KCNMB2: variants seen among roughly 807,000 people sequenced by gnomAD.
KCNMB2 encodes calcium-activated potassium channel subunit beta-2.
Under a neutral mutation model 24.5 loss-of-function variants are expected in KCNMB2, and 9 were observed. The observed-to-expected ratio is 0.37, with a 90% CI of 0.22 to 0.64. The LOEUF is 0.64. Among genes scored for constraint, KCNMB2 ranks in the 30% least tolerant of loss-of-function variants. KCNMB2 has a pLI of 0.63. For synonymous variants in KCNMB2, 109 were observed against 104.4 expected, an observed-to-expected ratio of 1.04 and a Z score of -0.27; for missense variants, 226 against 284.3, an observed-to-expected ratio of 0.79 and a Z score of 1.47.
intron 1 of KCNMB2, among the ~76,000 whole-genome samples, chr3:178,678,016 G>A (rs997259472): frequency 6.6e-6 from 1 of 152,198 alleles, no homozygotes; most frequent in Non-Finnish European, 1.5e-5. Context: ...AAGGCTCCCA[G>A]TTCACAACCT....
intron 1 of KCNMB2, among the ~76,000 whole-genome samples, chr3:178,583,405 G>T (rs1198069265): frequency 2.6e-5 from 4 of 152,058 alleles, no homozygotes. Flanking sequence ...CCTAATAATG[G>T]CAAGTTTCCG....
intron 1 of KCNMB2, among the ~76,000 whole-genome samples, chr3:178,567,462 C>G (rs1716567818): frequency 6.6e-6 from 1 of 151,890 alleles, no homozygotes; most frequent in Non-Finnish European, 1.5e-5. Context: ...TCATTATTGC[C>G]TCTGTATGGC....
intron 1 of KCNMB2, among the ~76,000 whole-genome samples, chr3:178,737,458 C>T (rs569187131): frequency 4.6e-5 from 7 of 152,226 alleles, no homozygotes; most frequent in East Asian, 1.9e-4. Flanking sequence ...GTCCTTATTA[C>T]GTTCTAGGAA....
At chr3:178,741,470 C>T (rs996777849) in intron 1 of KCNMB2, among the ~76,000 whole-genome samples, 1 of 152,194 alleles carries the variant, frequency 6.6e-6, no homozygotes, top group Non-Finnish European at 1.5e-5. Flanking sequence ...ACCTCCATCA[C>T]ATTTATCCCT....
chr3:178,817,735 G>T (rs1184708443), intron 2 of KCNMB2, among the ~76,000 whole-genome samples: 6 of 152,140 alleles, frequency 3.9e-5, no homozygotes, highest in Admixed American at 3.9e-4. Flanking sequence ...ACACTGATGG[G>T]AAGATAGAAA....
chr3:178,681,992 T>A (rs972345458), intron 1 of KCNMB2, among the ~76,000 whole-genome samples: 1 of 152,194 alleles, frequency 6.6e-6, no homozygotes, highest in African/African-American at 2.4e-5. Flanking sequence ...TTTAAATATC[T>A]TCTTTCTTAA....
chr3:178,835,658 T>G lies in KCNMB2; in HGVS notation c.424-6995T>G, dbSNP rs1715199422. ...AACACTAGAAAAAGTTCCATTGACT[T>G]TGGAACTAATAATATTTATGTTTCA... On this transcript the variant is annotated intron_variant, in intron 4 of 4. Coordinates refer to ENST00000452583, the MANE Select transcript of KCNMB2 (RefSeq NM_181361.3). 2.6e-5 allele frequency among the ~76,000 whole-genome samples: 4 copies of G among 151,930 alleles called. No individual in the cohort carries two copies. The South Asian group carries it at 8.3e-4, about 31-fold the overall frequency.
intron 1 of KCNMB2, among the ~76,000 whole-genome samples, chr3:178,750,370 G>A (rs1415345857): frequency 4.0e-5 from 6 of 151,624 alleles, no homozygotes; most frequent in Admixed American, 3.9e-4. Flanking sequence ...TTTACTCTGC[G>A]ACAGCCTTCT....
At chr3:178,703,111 A>T (rs1722158328) in intron 1 of KCNMB2, among the ~76,000 whole-genome samples, 1 of 152,216 alleles carries the variant, frequency 6.6e-6, no homozygotes, top group Admixed American at 6.5e-5. Context: ...AAAAAGGGAA[A>T]GAGAATCAGT....
chr3:178,574,965 G>A (rs559886200), intron 1 of KCNMB2, among the ~76,000 whole-genome samples: 1 of 152,114 alleles, frequency 6.6e-6, no homozygotes, highest in Non-Finnish European at 1.5e-5. Context: ...CTACTCGGGA[G>A]GCTAAGGCAG....
At position 178,536,731 on chromosome 3, in the gene KCNMB2, C is replaced by T. The variant is rs1346517680; in HGVS notation, c.-68+20C>T. 2 of 152,332 alleles carry T rather than the reference C, an allele frequency of 1.3e-5. No homozygotes were observed. Among genetic ancestry groups the T allele is most frequent in the African/African-American group, 2.4e-5 (1 of 41,440 alleles). The allele number at this position is 152,332 out of a possible 1,614,324, so 9.4% of individuals were successfully genotyped here. A position where few individuals can be genotyped will look rare whatever the true frequency, so the allele number is the denominator to read the frequency against. On this transcript the variant is annotated intron_variant, in intron 1 of 4. Transcript: ENST00000452583. The stretch of plus-strand genomic sequence containing the variant: ...CCGGAGGTAGGATTTGCATGTAAAA[C>T]AAAGGAATCTGTTGCTGTTTCATGC...
In KCNMB2 at chr3:178,777,966, C is replaced by T. The variant is rs138518210; in HGVS notation, c.-67-29377C>T. Among the ~76,000 whole-genome samples the T allele has an allele frequency of 1.8e-4, 28 of 152,262 alleles. No individual in the cohort carries two copies. In the Middle Eastern group the frequency reaches 0.01, roughly 55 times the overall value. On this transcript the variant is annotated intron_variant, in intron 1 of 4. Coordinates refer to ENST00000452583, the MANE Select transcript of KCNMB2 (RefSeq NM_181361.3). ...TTATTTCCCCAGCTCCATGATTCAT[C>T]GTGGACAGCTCTAGACAAATGCTCT...
At chr3:178,667,463 C>T (rs1392390623) in intron 1 of KCNMB2, among the ~76,000 whole-genome samples, 1 of 152,084 alleles carries the variant, frequency 6.6e-6, no homozygotes, top group East Asian at 1.9e-4. Flanking sequence ...CCAAGAAGGC[C>T]CTCCCAAGAC....
chr3:178,754,307 C>T lies in KCNMB2; in HGVS notation c.-67-53036C>T, dbSNP rs888394592. Among the ~76,000 whole-genome samples, 42 of 151,668 alleles carry T rather than the reference C, an allele frequency of 2.8e-4. 1 individual carries two copies. Among genetic ancestry groups the T allele is most frequent in the African/African-American group, 1.0e-3 (42 of 41,358 alleles). Reference sequence around the variant, plus strand: ...TTCAATGAACACAAGAGACAGATATCTCTTTGACATACTAATTTCATTTTA... The same window carrying T: ...TTCAATGAACACAAGAGACAGATATTTCTTTGACATACTAATTTCATTTTA... On this transcript the variant is annotated intron_variant, in intron 1 of 4. Coordinates refer to ENST00000452583, the MANE Select transcript of KCNMB2 (RefSeq NM_181361.3).
intron 1 of KCNMB2, among the ~76,000 whole-genome samples, chr3:178,557,442 G>C (rs547369571): frequency 5.8e-4 from 89 of 152,282 alleles, no homozygotes; most frequent in African/African-American, 1.9e-3. Context: ...AAAGTAGAAG[G>C]TGAGATGCTT....
intron 1 of KCNMB2, among the ~76,000 whole-genome samples, chr3:178,542,736 A>G (rs1247120548): frequency 1.3e-5 from 2 of 152,186 alleles, no homozygotes; most frequent in Non-Finnish European, 2.9e-5. Flanking sequence ...ACAAAAGTAC[A>G]CTCAAACTCC....
At chr3:178,828,956 T>A (rs1264245624) in intron 4 of KCNMB2, among the ~76,000 whole-genome samples, 1 of 149,028 alleles carries the variant, frequency 6.7e-6, no homozygotes, top group African/African-American at 2.6e-5. Flanking sequence ...TGTGTGTGTG[T>A]GTGTGTGTGT....
chr3:178,701,721 T>C (rs942365379), intron 1 of KCNMB2, among the ~76,000 whole-genome samples: 1 of 152,072 alleles, frequency 6.6e-6, no homozygotes, highest in Admixed American at 6.6e-5. Flanking sequence ...CAATGACATA[T>C]CATCTCACAC....
chr3:178,784,234 A>G (rs1431707618), intron 1 of KCNMB2, among the ~76,000 whole-genome samples: 1 of 152,212 alleles, frequency 6.6e-6, no homozygotes, highest in Non-Finnish European at 1.5e-5. Context: ...GTCTTCTTGC[A>G]TCATAGCAAA....
Sources: allele counts gnomAD v4.1 joint callset (sites outside exome capture counted in the v4.1 genomes callset), GRCh38; gene constraint gnomAD v4.1.1; transcripts MANE v1.5; gene names NCBI Gene and HGNC (gene_info 2026-07-23, HGNC 2026-07-21).